PDE4D: variants seen among roughly 807,000 people sequenced by gnomAD.
The protein encoded by PDE4D is phosphodiesterase 4D, also known as 3',5'-cyclic-AMP phosphodiesterase 4D.
In PDE4D, 24 loss-of-function variants were observed where a neutral mutation model predicts 87.4. The observed-to-expected ratio is 0.27, with a 90% CI of 0.20 to 0.39. PDE4D has a LOEUF of 0.39. Among genes scored for constraint, PDE4D ranks in the 10% least tolerant of loss-of-function variants. The pLI, the probability that PDE4D is intolerant of heterozygous loss-of-function variation, is 1.00. For missense variants in PDE4D, 714 were observed against 1,041.0 expected (o/e 0.69, Z 4.32); for synonymous variants, 384 against 383.2 (o/e 1.00, Z -0.02).
intron 1 of PDE4D, among the ~76,000 whole-genome samples, chr5:60,422,487 C>A (rs188085658): frequency 2.6e-5 from 4 of 152,256 alleles, no homozygotes; most frequent in Admixed American, 2.0e-4. Flanking sequence ...TACAGACAAG[C>A]AAATGCTGAG....
chr5:59,149,429 A>G (rs899065647), intron 5 of PDE4D, among the ~76,000 whole-genome samples: 1 of 151,984 alleles, frequency 6.6e-6, no homozygotes, highest in African/African-American at 2.4e-5. Context: ...ATCCCATTTA[A>G]CTCCCAAACC....
Position 60,071,400 on chromosome 5 carries a change from T to C in PDE4D, c.43-82683A>G, listed in dbSNP as rs567944235. Among the ~76,000 whole-genome samples, 12 of 152,242 alleles carry C rather than the reference T, an allele frequency of 7.9e-5. No homozygotes were observed. In the South Asian group the frequency reaches 1.2e-3, roughly 16 times the overall value. On this transcript the variant is annotated intron_variant, in intron 2 of 16. Coordinates refer to the PDE4D transcript ENST00000502484. ...AATCAAAGATTGCCACATTAAAAGC[T>C]GCCAAATTAAATTAAGACTTAATTT... is the stretch of plus-strand genomic sequence containing the variant.
At chr5:59,023,685 G>A (rs1417626768) in intron 6 of PDE4D, among the ~76,000 whole-genome samples, 1 of 151,860 alleles carries the variant, frequency 6.6e-6, no homozygotes, top group Non-Finnish European at 1.5e-5. Flanking sequence ...AAAACGTTTT[G>A]ACATGTAGAA....
intron 1 of PDE4D, among the ~76,000 whole-genome samples, chr5:59,266,707 T>C (rs1762917603): frequency 6.6e-6 from 1 of 151,940 alleles, no homozygotes; most frequent in Non-Finnish European, 1.5e-5. Context: ...ATGTTCTTGA[T>C]ATACATAAGA....
chr5:60,408,576 C>T (rs936615825), intron 1 of PDE4D, among the ~76,000 whole-genome samples: 3 of 152,174 alleles, frequency 2.0e-5, no homozygotes, highest in Non-Finnish European at 2.9e-5. Context: ...TAATCATATG[C>T]AAATGGAGGG....
intron 1 of PDE4D, among the ~76,000 whole-genome samples, chr5:59,565,416 G>A (rs1820711329): frequency 6.6e-6 from 1 of 152,182 alleles, no homozygotes; most frequent in Non-Finnish European, 1.5e-5. Context: ...CTACTTGAGA[G>A]GCTGAAGTGG....
intron 2 of PDE4D, among the ~76,000 whole-genome samples, chr5:60,066,811 T>C (rs879381256): frequency 1.7e-4 from 26 of 152,138 alleles, no homozygotes; most frequent in Non-Finnish European, 2.4e-4. Flanking sequence ...TCCTGAGACA[T>C]AGTGAAAAGG....
At chr5:59,665,971 T>C (rs1746011131) in intron 1 of PDE4D, among the ~76,000 whole-genome samples, 1 of 152,130 alleles carries the variant, frequency 6.6e-6, no homozygotes, top group African/African-American at 2.4e-5. Context: ...AGTTTTTTGT[T>C]TGTTTTTGAG....
rs147317382 is a variant in PDE4D, at chr5:59,623,015, T to C, written c.455+270153A>G. On this transcript the variant is annotated intron_variant, in intron 1 of 14. Transcript: ENST00000340635. ...ATTGATATTATGATGACACTGATTG[T>C]GAGATGCATTATTAATTGCTTAATG... Among the ~76,000 whole-genome samples, 723 of 152,304 alleles carry C rather than the reference T, an allele frequency of 4.7e-3. 10 individuals carry two copies. Among genetic ancestry groups the C allele is most frequent in the African/African-American group, 0.017 (686 of 41,566 alleles).
At chr5:59,956,717 T>C (rs1039454981) in intron 3 of PDE4D, among the ~76,000 whole-genome samples, 11 of 152,186 alleles carry the variant, frequency 7.2e-5, no homozygotes, top group Non-Finnish European at 1.6e-4. Context: ...TTATTCAGAG[T>C]CTGCTTTTAA....
chr5:60,191,607 G>A (rs1053235454), intron 1 of PDE4D, among the ~76,000 whole-genome samples: 16 of 152,134 alleles, frequency 1.1e-4, no homozygotes, highest in Admixed American at 8.5e-4. Flanking sequence ...CCAGTCTTGA[G>A]CAGTTCTTTA....
intron 1 of PDE4D, among the ~76,000 whole-genome samples, chr5:59,623,828 T>C (rs543475940): frequency 6.6e-6 from 1 of 152,334 alleles, no homozygotes; most frequent in South Asian, 2.1e-4. Flanking sequence ...AAGCTTTATG[T>C]TACTTTTAAA....
chr5:59,701,289 G>A (rs1365524102), intron 1 of PDE4D, among the ~76,000 whole-genome samples: 1 of 152,110 alleles, frequency 6.6e-6, no homozygotes, highest in African/African-American at 2.4e-5. Flanking sequence ...AAAATCTTCT[G>A]CATAGTGCTA....
chr5:60,066,592 T>TATCATCATCATCATC lies in PDE4D; in HGVS notation c.43-77890_43-77876dup, dbSNP rs55735827. On this transcript the variant is annotated intron_variant, in intron 2 of 16. Coordinates refer to the PDE4D transcript ENST00000502484. ...TGTGCAGCTCCTTCCTAAAGCAAAT[T>TATCATCATCATCATC]ATCATCATCATCATCATCATCATCA... 1.7e-4 allele frequency among the ~76,000 whole-genome samples: 26 copies of TATCATCATCATCATC among 149,694 alleles called. No homozygotes were observed. In the East Asian group the frequency reaches 2.4e-3, roughly 14 times the overall value.
intron 5 of PDE4D, among the ~76,000 whole-genome samples, chr5:59,112,367 G>A (rs1464114352): frequency 1.3e-5 from 2 of 152,174 alleles, no homozygotes; most frequent in Admixed American, 1.3e-4. Flanking sequence ...GAGGGAAATG[G>A]GAGCCATTGC....
At chr5:60,335,003 C>T (rs753123617) in intron 1 of PDE4D, 1 of 152,004 alleles carries the variant, frequency 6.6e-6, no homozygotes, top group African/African-American at 2.4e-5. Context: ...CAAAATACAC[C>T]AAAGGCCTGT....
chr5:60,017,403 T>A (rs1326764114), intron 2 of PDE4D, among the ~76,000 whole-genome samples: 1 of 152,158 alleles, frequency 6.6e-6, no homozygotes, highest in Non-Finnish European at 1.5e-5. Context: ...CACCTAGGAC[T>A]TAAGCCCCAC....
chr5:59,625,535 C>T (rs1248869681), intron 1 of PDE4D, among the ~76,000 whole-genome samples: 1 of 151,548 alleles, frequency 6.6e-6, no homozygotes, highest in African/African-American at 2.4e-5. Context: ...TTTTAAGTTG[C>T]TAAGTGTATG....
chr5:59,282,643 C>CAAAAAAAAA (rs60262509), intron 1 of PDE4D, among the ~76,000 whole-genome samples: 1 of 38,858 alleles, frequency 2.6e-5, no homozygotes, highest in Non-Finnish European at 4.6e-5. Context: ...AACTCCAGCT[C>CAAAAAAAAA]AAAAAAAAAA....
Sources: allele counts gnomAD v4.1 joint callset (sites outside exome capture counted in the v4.1 genomes callset), GRCh38; gene constraint gnomAD v4.1.1; transcripts MANE v1.5; gene names NCBI Gene and HGNC (gene_info 2026-07-23, HGNC 2026-07-21).